TTLL5: variants seen among roughly 807,000 people sequenced by gnomAD.
TTLL5 encodes tubulin tyrosine ligase like 5.
A neutral mutation model predicts 168.4 loss-of-function variants in TTLL5; 132 were observed. The observed-to-expected ratio is 0.78, with a 90% CI of 0.68 to 0.91. The LOEUF (loss-of-function observed/expected upper bound fraction) is 0.91. Among genes scored for constraint, TTLL5 ranks in the 40% least tolerant of loss-of-function variants. TTLL5 has a pLI of 0.00. For missense variants in TTLL5, 1,545 were observed against 1,581.5 expected, an observed-to-expected ratio of 0.98 and a Z score of 0.39; for synonymous variants, 546 against 558.6, an observed-to-expected ratio of 0.98 and a Z score of 0.32.
At chr14:75,906,797 G>T in intron 31 of TTLL5, 1 of 921,040 alleles carries the variant, frequency 1.1e-6, no homozygotes, top group Non-Finnish European at 1.3e-6. Context: ...TGAAGTTGGG[G>T]CTTTATAAAC....
At chr14:75,857,880 A>C (rs767172464) in intron 28 of TTLL5, among the ~76,000 whole-genome samples, 1 of 151,990 alleles carries the variant, frequency 6.6e-6, no homozygotes, top group Non-Finnish European at 1.5e-5. Context: ...CGAACTCCTG[A>C]ACTTAAGCGA....
At chr14:75,908,334 A>G (rs2033232080) in intron 31 of TTLL5, among the ~76,000 whole-genome samples, 1 of 151,876 alleles carries the variant, frequency 6.6e-6, no homozygotes, top group Non-Finnish European at 1.5e-5. Flanking sequence ...TCTCTTGAGC[A>G]GAAGAATTAG....
intron 31 of TTLL5, among the ~76,000 whole-genome samples, chr14:75,924,915 G>A (rs1190411914): frequency 6.7e-6 from 1 of 149,056 alleles, no homozygotes; most frequent in African/African-American, 2.5e-5. Flanking sequence ...GCGGGGGGCT[G>A]ACCCCCCCAC....
At chr14:75,701,106 A>G (rs1272985969) in intron 7 of TTLL5, among the ~76,000 whole-genome samples, 1 of 150,380 alleles carries the variant, frequency 6.6e-6, no homozygotes, top group East Asian at 1.9e-4. Context: ...TTTATTATTC[A>G]TTTATCTACT....
chr14:75,918,587 G>A (rs767098397), intron 31 of TTLL5, among the ~76,000 whole-genome samples: 10 of 151,868 alleles, frequency 6.6e-5, no homozygotes, highest in Non-Finnish European at 1.2e-4. Flanking sequence ...AAAGGTCACC[G>A]TAAATGAGGA....
intron 28 of TTLL5, among the ~76,000 whole-genome samples, chr14:75,823,805 GAACTTGA>G (rs1894966947): frequency 6.6e-6 from 1 of 152,140 alleles, no homozygotes; most frequent in South Asian, 2.1e-4. Flanking sequence ...ACATCTGTAT[GAACTTGA>G]AATGCCACCG....
chr14:75,812,400 T>C (rs750172900), intron 27 of TTLL5, among the ~76,000 whole-genome samples: 1 of 152,176 alleles, frequency 6.6e-6, no homozygotes, highest in Non-Finnish European at 1.5e-5. Flanking sequence ...AAGTTGACTG[T>C]TTTTAGGCTT....
chr14:75,712,899 G>GT (rs1175474117), intron 9 of TTLL5, among the ~76,000 whole-genome samples: 1 of 152,046 alleles, frequency 6.6e-6, no homozygotes, highest in Non-Finnish European at 1.5e-5. Flanking sequence ...TTTCATTGTG[G>GT]TTAAAAAGGG....
intron 12 of TTLL5, among the ~76,000 whole-genome samples, chr14:75,726,517 G>A (rs1450550258): frequency 3.3e-5 from 5 of 152,186 alleles, no homozygotes; most frequent in Non-Finnish European, 5.9e-5. Flanking sequence ...TCAAGTGATA[G>A]GGAGGAGCAG....
chr14:75,885,826 G>A (rs2032086734), intron 30 of TTLL5, among the ~76,000 whole-genome samples: 2 of 152,188 alleles, frequency 1.3e-5, no homozygotes, highest in Non-Finnish European at 1.5e-5. Context: ...GGGTTATTAA[G>A]ATAAATGAAT....
intron 27 of TTLL5, among the ~76,000 whole-genome samples, chr14:75,810,511 GCATGCAC>G (rs1893930225): frequency 1.3e-5 from 2 of 151,640 alleles, no homozygotes; most frequent in Non-Finnish European, 2.9e-5. Flanking sequence ...AGGACTACAG[GCATGCAC>G]CACCATGCCT....
chr14:75,935,801 G>A (rs868490022), intron 31 of TTLL5, among the ~76,000 whole-genome samples: 67 of 152,310 alleles, frequency 4.4e-4, no homozygotes, highest in Middle Eastern at 3.4e-3. Flanking sequence ...ACACACCTAT[G>A]CAAACCAGTA....
Position 75,882,666 on chromosome 14 carries a change from T to G in TTLL5, c.3523-19T>G, listed in dbSNP as rs752425802. 2.5e-6 allele frequency: 4 copies of G among 1,602,290 alleles called. No individual in the cohort carries two copies. The East Asian group carries it at 8.9e-5, about 36-fold the overall frequency. ...GAAGGTGATGTCCATCGATCATTTT[T>G]TTCCTTTTTTTTTTGTAGGCAATCT... is the stretch of plus-strand genomic sequence containing the variant. On this transcript the variant is annotated intron_variant, in intron 29 of 31. Coordinates refer to ENST00000298832, the MANE Select transcript of TTLL5 (RefSeq NM_015072.5).
At chr14:75,950,349 A>G (rs893108004) in intron 31 of TTLL5, among the ~76,000 whole-genome samples, 11 of 152,238 alleles carry the variant, frequency 7.2e-5, no homozygotes, top group African/African-American at 1.2e-4. Context: ...TAGTCACGGT[A>G]AAAGGAAAGG....
intron 3 of TTLL5, among the ~76,000 whole-genome samples, chr14:75,675,927 G>A (rs1175422014): frequency 6.6e-6 from 1 of 152,190 alleles, no homozygotes; most frequent in East Asian, 1.9e-4. Context: ...CCATTTGCAA[G>A]TTGGAGACCC....
At chr14:75,792,625 G>A (rs143634823) in intron 26 of TTLL5, among the ~76,000 whole-genome samples, 3 of 152,180 alleles carry the variant, frequency 2.0e-5, no homozygotes, top group East Asian at 3.9e-4. Flanking sequence ...GCAAATTATA[G>A]GATTGGTATT....
Position 75,663,116 on chromosome 14 carries a change from C to G in TTLL5, c.-34C>G. 2 of 1,606,068 alleles carry G rather than the reference C, an allele frequency of 1.2e-6. No individual in the cohort carries two copies. The highest frequency in any genetic ancestry group is 1.7e-6 in the Non-Finnish European group (2 of 1,174,490). The stretch of plus-strand genomic sequence containing the variant: ...CTGCTAGGAAAGGTCTCTGAGGCCC[C>G]CGTCTGCTGACTGCATGACAAACCC... On this transcript the variant is annotated 5_prime_UTR_variant, in exon 2 of 32. Coordinates refer to ENST00000298832, the MANE Select transcript of TTLL5 (RefSeq NM_015072.5).
At chr14:75,940,764 G>A (rs780656688) in intron 31 of TTLL5, among the ~76,000 whole-genome samples, 81 of 152,026 alleles carry the variant, frequency 5.3e-4, no homozygotes, top group Non-Finnish European at 1.9e-4. Context: ...TCTCTATTCC[G>A]TGATAAAATG....
At position 75,863,852 on chromosome 14, in the gene TTLL5, C is replaced by T. The variant is rs1400205995; in HGVS notation, c.3512C>T (p.Ala1171Val). 6.4e-7 allele frequency: 1 copy of T among 1,562,202 alleles called. No homozygotes were observed. Among genetic ancestry groups the T allele is most frequent in the Non-Finnish European group, 8.6e-7 (1 of 1,156,314 alleles). The change falls in exon 29 of 32, where the codon GCC (alanine) becomes GTC (valine). Residue 1171 changes from alanine to valine, a missense_variant. By Grantham distance (64) the Ala-to-Val change is moderately conservative. Coordinates refer to ENST00000298832, the MANE Select transcript of TTLL5 (RefSeq NM_015072.5). ...QSRQLLDQSR[A>V]RHQAIFGSQT... is the part of the protein sequence containing the mutation. ...CGGCAGCTCCTGGACCAGAGTCGAG[C>T]CCGGCACCAGGTAATTCAAGATAAG...
Sources: gnomAD v4.1 joint callset for allele counts (sites outside exome capture counted in the v4.1 genomes callset) on GRCh38, gnomAD v4.1.1 for gene constraint, MANE v1.5 for transcripts, NCBI Gene and HGNC (gene_info 2026-07-23, HGNC 2026-07-21) for gene names.